Variants in SHC4 observed in about 807,000 individuals in gnomAD.
The protein encoded by SHC4 is SHC adaptor protein 4.
Under a neutral mutation model 69.4 loss-of-function variants are expected in SHC4, and 41 were observed. That is an observed-to-expected ratio of 0.59 (90% CI 0.46 to 0.77). The LOEUF (loss-of-function observed/expected upper bound fraction) is 0.77. Among genes scored for constraint, SHC4 ranks in the 30% least tolerant of loss-of-function variants. The pLI is 0.00. For synonymous variants in SHC4, 318 were observed against 299.3 expected (o/e 1.06, Z -0.64); for missense variants, 777 against 783.8 (o/e 0.99, Z 0.10).
chr15:48,948,836 G>A (rs1213307554), intron 1 of SHC4, among the ~76,000 whole-genome samples: 1 of 152,086 alleles, frequency 6.6e-6, no homozygotes, highest in Non-Finnish European at 1.5e-5. Flanking sequence ...AGCCTGGGAG[G>A]TTGAGGCTGC....
intron 1 of SHC4, among the ~76,000 whole-genome samples, chr15:48,942,587 T>A (rs1290735670): frequency 6.6e-6 from 1 of 152,210 alleles, no homozygotes; most frequent in East Asian, 1.9e-4. Flanking sequence ...TATTAATTAT[T>A]GGTTATTATT....
At chr15:48,870,686 A>T (rs528970183) in intron 5 of SHC4, among the ~76,000 whole-genome samples, 1 of 152,190 alleles carries the variant, frequency 6.6e-6, no homozygotes, top group Non-Finnish European at 1.5e-5. Flanking sequence ...TCAAAAAAAA[A>T]AAAAGCATGT....
At chr15:48,961,128 A>G (rs1901538962) in intron 1 of SHC4, among the ~76,000 whole-genome samples, 1 of 152,156 alleles carries the variant, frequency 6.6e-6, no homozygotes. Flanking sequence ...TCATTGCCTC[A>G]TACCTAAACT....
rs556390836 is a variant in SHC4 at position 48,878,513 on chromosome 15, G to C, written c.840+5735C>G. 20 of 1,613,960 alleles carry C rather than the reference G, an allele frequency of 1.2e-5. No individual in the cohort carries two copies. In the East Asian group the frequency reaches 4.2e-4, roughly 34 times the overall value. ...CTGGGAGGACGACTACGACTATCCCGAAGAGGAGCAGCTCAGTGGTGCCGG... is the reference window on the plus strand; with the variant it reads ...CTGGGAGGACGACTACGACTATCCCCAAGAGGAGCAGCTCAGTGGTGCCGG... On this transcript the variant is annotated intron_variant, in intron 4 of 11. Transcript: ENST00000332408.
At chr15:48,902,715 A>C (rs1020246228) in intron 2 of SHC4, among the ~76,000 whole-genome samples, 1 of 152,070 alleles carries the variant, frequency 6.6e-6, no homozygotes, top group Non-Finnish European at 1.5e-5. Flanking sequence ...CCCGTACCTC[A>C]ATATGGGGTG....
chr15:48,929,004 T>C (rs1372093013), intron 1 of SHC4, among the ~76,000 whole-genome samples: 1 of 152,150 alleles, frequency 6.6e-6, no homozygotes, highest in Non-Finnish European at 1.5e-5. Context: ...TGGCCTGAGA[T>C]GATTGACAAT....
At chr15:48,847,502 G>C (rs982036799) in intron 9 of SHC4, among the ~76,000 whole-genome samples, 1 of 152,162 alleles carries the variant, frequency 6.6e-6, no homozygotes, top group African/African-American at 2.4e-5. Flanking sequence ...GGCTACTGCA[G>C]TATTTATAAT....
At chr15:48,900,936 G>A (rs189330883) in intron 2 of SHC4, among the ~76,000 whole-genome samples, 1 of 152,336 alleles carries the variant, frequency 6.6e-6, no homozygotes, top group East Asian at 1.9e-4. Context: ...GGCCAGGTAG[G>A]AAATATTTTA....
chr15:48,955,591 G>A (rs1391625069), intron 1 of SHC4, among the ~76,000 whole-genome samples: 1 of 152,172 alleles, frequency 6.6e-6, no homozygotes, highest in Non-Finnish European at 1.5e-5. Context: ...ACTGCCATCC[G>A]CAGGGACCTC....
chr15:48,959,838 A>T (rs1020400072), intron 1 of SHC4, among the ~76,000 whole-genome samples: 7 of 152,224 alleles, frequency 4.6e-5, no homozygotes, highest in Non-Finnish European at 1.0e-4. Flanking sequence ...CAGGATGGAA[A>T]CCTGTGGTGA....
intron 1 of SHC4, among the ~76,000 whole-genome samples, chr15:48,932,385 T>C (rs936507099): frequency 2.0e-5 from 3 of 152,168 alleles, no homozygotes; most frequent in African/African-American, 7.2e-5. Flanking sequence ...CTACAGGTTG[T>C]CCAGGAATCA....
At chr15:48,841,097 A>C (rs559407326) in intron 10 of SHC4, among the ~76,000 whole-genome samples, 1 of 152,212 alleles carries the variant, frequency 6.6e-6, no homozygotes, top group Non-Finnish European at 1.5e-5. Context: ...ATTATGAATA[A>C]TTTTAACTTT....
chr15:48,847,977 G>A (rs1325097609), intron 9 of SHC4, among the ~76,000 whole-genome samples: 6 of 139,356 alleles, frequency 4.3e-5, no homozygotes, highest in Non-Finnish European at 1.5e-5. Flanking sequence ...ACTCCAGCCC[G>A]AGCAACAAGA....
intron 2 of SHC4, among the ~76,000 whole-genome samples, chr15:48,923,438 T>C (rs1900786361): frequency 1.3e-5 from 2 of 150,104 alleles, no homozygotes; most frequent in African/African-American, 2.5e-5. Flanking sequence ...TAGTCCCGGC[T>C]ACTCAGGAGG....
chr15:48,838,941 T>C (rs1595727400), intron 10 of SHC4, among the ~76,000 whole-genome samples: 1 of 151,828 alleles, frequency 6.6e-6, no homozygotes, highest in Admixed American at 6.6e-5. Context: ...AAAAATATAA[T>C]AGATGTTGGA....
At chr15:48,869,264 G>A (rs564590935) in intron 5 of SHC4, among the ~76,000 whole-genome samples, 10 of 152,328 alleles carry the variant, frequency 6.6e-5, no homozygotes, top group African/African-American at 2.4e-4. Flanking sequence ...AGGGCTGACG[G>A]ATGGAAAACA....
At chr15:48,907,307 C>G (rs549714528) in intron 2 of SHC4, among the ~76,000 whole-genome samples, 5 of 151,520 alleles carry the variant, frequency 3.3e-5, no homozygotes, top group Non-Finnish European at 7.4e-5. Flanking sequence ...TCACTGCAAC[C>G]GCTGCCTCCT....
At chr15:48,878,283 G>A (rs1899861823) in intron 4 of SHC4, 1 of 1,613,546 alleles carries the variant, frequency 6.2e-7, no homozygotes, top group South Asian at 1.1e-5. Flanking sequence ...GTAGGCAGCG[G>A]GAGCCGGGAG....
chr15:48,962,812 C>A lies in SHC4; in HGVS notation c.204G>T (p.Pro68=), dbSNP rs756979360. Residue 68 remains proline, a synonymous_variant, in exon 1 of 12, where the codon CCG becomes CCT. Coordinates refer to ENST00000332408, the MANE Select transcript of SHC4 (RefSeq NM_203349.4). ...GCGACGGCAAGGTGGCATCTTCAGT[C>A]GGCAGGTGAGGTGCCAGGGCGGGGT... ...PPHPALAPHL[P]TEDATLPSQE... The A allele has an allele frequency of 1.2e-5, 20 of 1,604,412 alleles. No individual in the cohort carries two copies. The highest frequency in any genetic ancestry group is 1.4e-5 in the Non-Finnish European group (17 of 1,175,300).
Sources: allele counts gnomAD v4.1 joint callset (sites outside exome capture counted in the v4.1 genomes callset), GRCh38; gene constraint gnomAD v4.1.1; transcripts MANE v1.5; gene names NCBI Gene and HGNC (gene_info 2026-07-23, HGNC 2026-07-21).